EXT2: variants seen among roughly 807,000 people sequenced by gnomAD.
The protein encoded by EXT2 is exostosin glycosyltransferase 2.
EXT2 carries 53 observed loss-of-function variants against 81.6 expected under a neutral mutation model. That is an observed-to-expected ratio of 0.65 (90% CI 0.52 to 0.82). The LOEUF (loss-of-function observed/expected upper bound fraction) is 0.82, where lower values mean the gene tolerates loss of function less well. Among genes scored for constraint, EXT2 ranks in the 40% least tolerant of loss-of-function variants. The pLI is 0.00. For synonymous variants in EXT2, 320 were observed against 340.0 expected (o/e 0.94, Z 0.65); for missense variants, 774 against 910.2 (o/e 0.85, Z 1.93).
At position 44,240,020 on chromosome 11, in the gene EXT2, T is replaced by C. The variant is rs184452613; in HGVS notation, c.2018+3645T>C. On this transcript the variant is annotated intron_variant, in intron 13 of 13. Transcript: ENST00000533608. ...AATCCCTAATACAACATAAATGCTA[T>C]GTAAATAGTTGTTACATGGCATTGT... Among the ~76,000 whole-genome samples, 18 of 152,342 alleles carry C rather than the reference T, an allele frequency of 1.2e-4. No individual in the cohort carries two copies. The East Asian group carries it at 2.9e-3, about 24-fold the overall frequency.
At chr11:44,215,407 T>C (rs1215456660) in intron 10 of EXT2, among the ~76,000 whole-genome samples, 1 of 152,228 alleles carries the variant, frequency 6.6e-6, no homozygotes, top group Non-Finnish European at 1.5e-5. Flanking sequence ...GATTTTTAAG[T>C]TAATAGTTTT....
At position 44,124,815 on chromosome 11, in the gene EXT2, C is replaced by G. The variant is rs867280993; in HGVS notation, c.770C>G (p.Ser257Cys). Residue 257 changes from serine (S) to cysteine (C), a missense_variant, in exon 5 of 14, where the codon TCT becomes TGT. Around this residue, in one of 2 missense-constraint regions of EXT2, gnomAD observed 626 missense variants for 670.5 expected, o/e 0.93. Transcript: ENST00000533608. ...CCACGGCAATACTTCCTCCTGTCAT[C>G]TCAGGTGGGTCTCCATCCTGAGTAC... Reference protein sequence around the residue: ...PGPRQYFLLSSQVGLHPEYRE... With the variant: ...PGPRQYFLLSCQVGLHPEYRE... 9 of 1,614,126 alleles carry G rather than the reference C, an allele frequency of 5.6e-6. 1 individual carries two copies. In the Middle Eastern group the frequency reaches 1.5e-3, roughly 266 times the overall value.
At chr11:44,135,784 A>G (rs1279216682) in intron 7 of EXT2, among the ~76,000 whole-genome samples, 1 of 152,250 alleles carries the variant, frequency 6.6e-6, no homozygotes, top group Non-Finnish European at 1.5e-5. Flanking sequence ...ATATATCATT[A>G]TAAGATGGCA....
intron 12 of EXT2, among the ~76,000 whole-genome samples, chr11:44,235,795 G>T (rs1199456564): frequency 6.6e-6 from 1 of 152,132 alleles, no homozygotes; most frequent in Non-Finnish European, 1.5e-5. Context: ...AGAGTATGAG[G>T]GACGATTCAA....
At chr11:44,152,497 C>G (rs1954805176) in intron 7 of EXT2, among the ~76,000 whole-genome samples, 2 of 152,084 alleles carry the variant, frequency 1.3e-5, no homozygotes, top group Admixed American at 1.3e-4. Flanking sequence ...ACTACAGGTG[C>G]ACACCACCAC....
At chr11:44,184,659 G>T (rs185507680) in intron 8 of EXT2, among the ~76,000 whole-genome samples, 241 of 152,284 alleles carry the variant, frequency 1.6e-3, no homozygotes, top group African/African-American at 5.5e-3. Flanking sequence ...GCTGAGGCAG[G>T]AGAATGGCAT....
intron 8 of EXT2, among the ~76,000 whole-genome samples, chr11:44,181,143 T>C (rs1273158243): frequency 6.6e-6 from 1 of 152,174 alleles, no homozygotes; most frequent in Non-Finnish European, 1.5e-5. Flanking sequence ...TTGTGATTAA[T>C]AATTGGGCTA....
At chr11:44,147,022 G>A (rs897267719) in intron 7 of EXT2, among the ~76,000 whole-genome samples, 3 of 152,156 alleles carry the variant, frequency 2.0e-5, no homozygotes, top group African/African-American at 7.2e-5. Flanking sequence ...ACAGATTTAT[G>A]AAAGTAACAT....
chr11:44,111,382 T>C (rs1389282476), intron 3 of EXT2, among the ~76,000 whole-genome samples: 4 of 152,232 alleles, frequency 2.6e-5, no homozygotes, highest in Non-Finnish European at 5.9e-5. Flanking sequence ...TCCTGAAAGA[T>C]ACTTATATTA....
At chr11:44,143,629 C>G (rs1954675832) in intron 7 of EXT2, among the ~76,000 whole-genome samples, 1 of 152,224 alleles carries the variant, frequency 6.6e-6, no homozygotes, top group African/African-American at 2.4e-5. Context: ...ACCAGCAGAG[C>G]TTGTCCCTAT....
intron 4 of EXT2, among the ~76,000 whole-genome samples, chr11:44,124,192 G>A (rs1033662622): frequency 3.4e-4 from 51 of 151,988 alleles, no homozygotes; most frequent in African/African-American, 1.2e-3. Context: ...CTACCAATTC[G>A]GTCTCCCTCC....
At chr11:44,207,337 G>A (rs548983231) in intron 10 of EXT2, among the ~76,000 whole-genome samples, 3 of 152,340 alleles carry the variant, frequency 2.0e-5, no homozygotes, top group South Asian at 4.1e-4. Context: ...AGAAGCTGGC[G>A]ACACTGACAA....
At chr11:44,217,415 T>C (rs991799319) in intron 10 of EXT2, among the ~76,000 whole-genome samples, 2 of 152,142 alleles carry the variant, frequency 1.3e-5, no homozygotes, top group Non-Finnish European at 1.5e-5. Context: ...GTATTTCCTA[T>C]TGGAAGGCAA....
chr11:44,145,210 G>C (rs1954700672), intron 7 of EXT2, among the ~76,000 whole-genome samples: 1 of 152,078 alleles, frequency 6.6e-6, no homozygotes, highest in Non-Finnish European at 1.5e-5. Context: ...GATGACTTCA[G>C]TATAGCTTCT....
intron 2 of EXT2, among the ~76,000 whole-genome samples, chr11:44,108,803 A>G (rs1954099188): frequency 6.6e-6 from 1 of 152,184 alleles, no homozygotes; most frequent in Non-Finnish European, 1.5e-5. Context: ...TTTCCAAATT[A>G]TGACATAATT....
chr11:44,153,763 G>C (rs980019792), intron 7 of EXT2, among the ~76,000 whole-genome samples: 22 of 151,872 alleles, frequency 1.4e-4, no homozygotes, highest in African/African-American at 4.8e-4. Context: ...GTATCTATTG[G>C]TGTGCTCTTG....
At chr11:44,243,307 T>C (rs2135281862) in intron 13 of EXT2, among the ~76,000 whole-genome samples, 1 of 152,270 alleles carries the variant, frequency 6.6e-6, no homozygotes, top group East Asian at 1.9e-4. Flanking sequence ...ACCAGAGCCA[T>C]TCCCGAACAC....
At chr11:44,235,461 G>A (rs1300079966) in intron 12 of EXT2, among the ~76,000 whole-genome samples, 1 of 151,796 alleles carries the variant, frequency 6.6e-6, no homozygotes, top group Non-Finnish European at 1.5e-5. Context: ...GCCCAGGCTG[G>A]TCTTGAACTC....
At chr11:44,140,738 T>G (rs560090886) in intron 7 of EXT2, among the ~76,000 whole-genome samples, 1 of 152,252 alleles carries the variant, frequency 6.6e-6, no homozygotes, top group Non-Finnish European at 1.5e-5. Context: ...CCTGCTCTTC[T>G]TCTAACTAAA....
Sources: allele counts gnomAD v4.1 joint callset (sites outside exome capture counted in the v4.1 genomes callset), GRCh38; gene constraint gnomAD v4.1.1; regional missense constraint gnomAD v4.1.1; transcripts MANE v1.5; gene names NCBI Gene and HGNC (gene_info 2026-07-23, HGNC 2026-07-21).